The following CAB39L variants were observed in gnomAD, a reference collection of about 807,000 sequenced individuals.
CAB39L encodes calcium-binding protein 39-like.
Under a neutral mutation model 39.1 loss-of-function variants are expected in CAB39L, and 23 were observed. That is an observed-to-expected ratio of 0.59 (90% CI 0.42 to 0.83). The LOEUF (loss-of-function observed/expected upper bound fraction) is 0.83. Among genes scored for constraint, CAB39L ranks in the 40% least tolerant of loss-of-function variants. The probability of loss-of-function intolerance (pLI) is 0.00; values close to 1 mark genes in which losing one functional copy is unlikely to be tolerated. For missense variants in CAB39L, 366 were observed against 391.9 expected (o/e 0.93, Z 0.56); for synonymous variants, 126 against 137.2 (o/e 0.92, Z 0.57).
chr13:49,395,960 T>C (rs961538600), intron 3 of CAB39L, among the ~76,000 whole-genome samples: 1 of 151,998 alleles, frequency 6.6e-6, no homozygotes, highest in South Asian at 2.1e-4. Flanking sequence ...AATCTCTAAC[T>C]ATGCTATTCA....
intron 9 of CAB39L, among the ~76,000 whole-genome samples, chr13:49,333,790 T>C (rs1442653264): frequency 6.6e-6 from 1 of 151,738 alleles, no homozygotes; most frequent in East Asian, 1.9e-4. Flanking sequence ...GCCAGGATGG[T>C]CTCGATCTCC....
chr13:49,323,873 G>T (rs540948059), intron 10 of CAB39L, among the ~76,000 whole-genome samples: 1 of 152,220 alleles, frequency 6.6e-6, no homozygotes, highest in East Asian at 1.9e-4. Context: ...GATGAACAAT[G>T]AGTAATTTTT....
intron 8 of CAB39L, 84 bp from the exon 9 acceptor site, chr13:49,339,826 C>G (rs1467435006): frequency 1.5e-6 from 2 of 1,322,468 alleles, no homozygotes; most frequent in Non-Finnish European, 2.0e-6. Flanking sequence ...TTTTCAGGAG[C>G]AAATTCCCAA....
chr13:49,428,385 G>A (rs951556675), intron 3 of CAB39L, among the ~76,000 whole-genome samples: 2 of 152,320 alleles, frequency 1.3e-5, no homozygotes, highest in South Asian at 2.1e-4. Flanking sequence ...CAGCAAAAGC[G>A]TGATAAAGAT....
At chr13:49,358,657 T>C (rs1413743151) in intron 6 of CAB39L, among the ~76,000 whole-genome samples, 7 of 151,940 alleles carry the variant, frequency 4.6e-5, no homozygotes, top group African/African-American at 1.7e-4. Context: ...GGTCAGGAGG[T>C]CGAGACCAGC....
At chr13:49,401,646 A>AG (rs921092306) in intron 3 of CAB39L, 3 of 152,236 alleles carry the variant, frequency 2.0e-5, no homozygotes, top group Non-Finnish European at 4.4e-5. Flanking sequence ...GGGCCAAAAA[A>AG]GAAAAAAGTC....
intron 3 of CAB39L, chr13:49,401,545 G>T (rs1472550083): frequency 1.8e-5 from 2 of 112,292 alleles, no homozygotes; most frequent in South Asian, 7.2e-4. Context: ...TTTCAGATAC[G>T]TACCACAGTC....
chr13:49,381,226 C>T (rs1270562072), intron 4 of CAB39L, among the ~76,000 whole-genome samples: 3 of 152,218 alleles, frequency 2.0e-5, no homozygotes, highest in Non-Finnish European at 1.5e-5. Flanking sequence ...CTGCGCCTGG[C>T]TGACACTACT....
intron 3 of CAB39L, among the ~76,000 whole-genome samples, chr13:49,407,695 T>C (rs1454704498): frequency 2.0e-5 from 3 of 151,786 alleles, no homozygotes; most frequent in Non-Finnish European, 4.4e-5. Context: ...TTAATTAACA[T>C]ATTTGTTTTT....
intron 5 of CAB39L, among the ~76,000 whole-genome samples, chr13:49,360,977 T>C (rs944875497): frequency 6.6e-6 from 1 of 152,166 alleles, no homozygotes; most frequent in African/African-American, 2.4e-5. Flanking sequence ...TGTGAGAACA[T>C]ACTAATACAA....
At chr13:49,369,121 C>T (rs973912716) in intron 5 of CAB39L, among the ~76,000 whole-genome samples, 1 of 152,120 alleles carries the variant, frequency 6.6e-6, no homozygotes, top group African/African-American at 2.4e-5. Context: ...ATTAAAATCA[C>T]AATGAGATAT....
chr13:49,317,715 G>C (rs1954199416), intron 10 of CAB39L, among the ~76,000 whole-genome samples: 1 of 152,024 alleles, frequency 6.6e-6, no homozygotes, highest in South Asian at 2.1e-4. Flanking sequence ...ATTTGGCAAT[G>C]GTTTCTTAGA....
intron 3 of CAB39L, among the ~76,000 whole-genome samples, chr13:49,406,588 T>C (rs1290885530): frequency 6.6e-6 from 1 of 152,098 alleles, no homozygotes; most frequent in Admixed American, 6.6e-5. Flanking sequence ...ATATCTCATG[T>C]ATCCTATAAA....
At chr13:49,317,134 A>C (rs181877035) in intron 10 of CAB39L, among the ~76,000 whole-genome samples, 184 of 152,198 alleles carry the variant, frequency 1.2e-3, no homozygotes, top group African/African-American at 4.3e-3. Context: ...GAAAACTAAC[A>C]CAAGTGTACC....
intron 9 of CAB39L, among the ~76,000 whole-genome samples, chr13:49,338,379 T>C (rs1020240511): frequency 2.6e-5 from 4 of 151,620 alleles, no homozygotes; most frequent in Non-Finnish European, 5.9e-5. Flanking sequence ...GAAATCATCA[T>C]TCTCAGTAAA....
At chr13:49,337,732 G>GCA (rs57089737) in intron 9 of CAB39L, among the ~76,000 whole-genome samples, 3,291 of 144,226 alleles carry the variant, frequency 0.023, 60 homozygotes, top group East Asian at 0.049. Context: ...CTGCTCTGGC[G>GCA]CACACACACA....
intron 6 of CAB39L, among the ~76,000 whole-genome samples, chr13:49,358,974 G>A (rs974986129): frequency 6.6e-6 from 1 of 152,180 alleles, no homozygotes; most frequent in African/African-American, 2.4e-5. Context: ...ATGTACAAGA[G>A]AGAAAATGAA....
At chr13:49,332,523 C>T (rs1367016072) in intron 9 of CAB39L, among the ~76,000 whole-genome samples, 1 of 152,060 alleles carries the variant, frequency 6.6e-6, no homozygotes. Context: ...TGTTAAATGA[C>T]TCTTACATTT....
chr13:49,318,937 ATATTATTTGGCCATT>A (rs1954268269), intron 10 of CAB39L, among the ~76,000 whole-genome samples: 1 of 152,070 alleles, frequency 6.6e-6, no homozygotes, highest in African/African-American at 2.4e-5. Context: ...ATGCAATGGA[ATATTATTTGGCCATT>A]TAAAAGAATG....
Sources: allele counts gnomAD v4.1 joint callset (sites outside exome capture counted in the v4.1 genomes callset), GRCh38; gene constraint gnomAD v4.1.1; transcripts MANE v1.5; gene names NCBI Gene and HGNC (gene_info 2026-07-23, HGNC 2026-07-21).